AK5: variants seen among roughly 807,000 people sequenced by gnomAD.
AK5 encodes adenylate kinase isoenzyme 5.
AK5 carries 27 observed loss-of-function variants against 69.5 expected under a neutral mutation model. The ratio of observed to expected loss-of-function variants is 0.39; its 90% CI spans 0.29 to 0.54. AK5 has a LOEUF of 0.54. AK5 is among the 20% of genes least tolerant of loss of function. The probability of loss-of-function intolerance (pLI) is 0.71; values close to 1 mark genes in which losing one functional copy is unlikely to be tolerated. For synonymous variants in AK5, 260 were observed against 244.4 expected (o/e 1.06, Z -0.60); for missense variants, 531 against 700.4 (o/e 0.76, Z 2.73).
intron 5 of AK5, among the ~76,000 whole-genome samples, chr1:77,302,749 A>G (rs1012839548): frequency 6.6e-6 from 1 of 152,146 alleles, no homozygotes; most frequent in African/African-American, 2.4e-5. Context: ...AAAGCAGTCA[A>G]TTCTTTCTTG....
At chr1:77,288,717 T>C (rs538797145) in intron 2 of AK5, among the ~76,000 whole-genome samples, 2 of 152,340 alleles carry the variant, frequency 1.3e-5, no homozygotes, top group African/African-American at 4.8e-5. Context: ...CTGAAACTGC[T>C]ATTTAAAACT....
chr1:77,440,460 T>C (rs1051637563), intron 8 of AK5, among the ~76,000 whole-genome samples: 6 of 152,202 alleles, frequency 3.9e-5, no homozygotes, highest in African/African-American at 1.4e-4. Context: ...AGAGGACTTT[T>C]TGGGTTGAAT....
intron 8 of AK5, among the ~76,000 whole-genome samples, chr1:77,433,247 G>A (rs1170210078): frequency 7.2e-6 from 1 of 139,834 alleles, no homozygotes; most frequent in Admixed American, 7.6e-5. Context: ...AATAATAGGT[G>A]TATTATAGTT....
rs114059967 is a variant in AK5, at chr1:77,374,143, G to A, written c.891+33575G>A. Among the ~76,000 whole-genome samples, 77 of 152,234 alleles carry A rather than the reference G, an allele frequency of 5.1e-4. 1 individual carries two copies. The highest frequency in any genetic ancestry group is 1.7e-3 in the African/African-American group (71 of 41,534). ...TTGGTATCTCAGCTTCTTTACTGAG[G>A]CATGTACCAAAAACATAGAATTAAG... On this transcript the variant is annotated intron_variant, in intron 6 of 13. Coordinates refer to ENST00000354567, the MANE Select transcript of AK5 (RefSeq NM_174858.3).
intron 13 of AK5, among the ~76,000 whole-genome samples, chr1:77,541,982 C>A (rs527326068): frequency 6.6e-6 from 1 of 151,984 alleles, no homozygotes; most frequent in Admixed American, 6.6e-5. Context: ...GTGTGGGACA[C>A]GACACTTGGT....
At chr1:77,351,203 G>A (rs1001275367) in intron 6 of AK5, among the ~76,000 whole-genome samples, 1 of 152,196 alleles carries the variant, frequency 6.6e-6, no homozygotes, top group African/African-American at 2.4e-5. Context: ...AGACCAGCCT[G>A]GGCAACATGG....
At chr1:77,398,986 C>T (rs930490824) in intron 6 of AK5, among the ~76,000 whole-genome samples, 2 of 152,140 alleles carry the variant, frequency 1.3e-5, no homozygotes, top group Admixed American at 1.3e-4. Flanking sequence ...AGATCCCTTT[C>T]TTAAGCAACT....
chr1:77,496,282 G>A (rs11162357), intron 10 of AK5, among the ~76,000 whole-genome samples: 87,525 of 152,056 alleles, frequency 0.58, 26,264 homozygotes, highest in Non-Finnish European at 0.67. Context: ...TGGATGGGAA[G>A]TGGTAAGAGC....
At chr1:77,553,242 A>G (rs1227786585) in intron 13 of AK5, among the ~76,000 whole-genome samples, 8 of 152,214 alleles carry the variant, frequency 5.3e-5, no homozygotes, top group Non-Finnish European at 1.0e-4. Flanking sequence ...AGGAGCAGAA[A>G]TAGACCATGC....
intron 6 of AK5, among the ~76,000 whole-genome samples, chr1:77,390,915 G>T (rs116433879): frequency 0.014 from 2,150 of 152,280 alleles, 22 homozygotes; most frequent in Middle Eastern, 0.034. Context: ...ATTTGTGTCT[G>T]TGTATTTTAA....
chr1:77,460,703 A>G (rs985728190), intron 8 of AK5, among the ~76,000 whole-genome samples: 1 of 151,206 alleles, frequency 6.6e-6, no homozygotes, highest in South Asian at 2.1e-4. Context: ...CAAACACTGC[A>G]TGATTTCATT....
intron 6 of AK5, among the ~76,000 whole-genome samples, chr1:77,357,183 G>A (rs1225400833): frequency 6.6e-6 from 1 of 152,054 alleles, no homozygotes; most frequent in Non-Finnish European, 1.5e-5. Context: ...ACCTTATGCT[G>A]GTGAAATGTT....
intron 6 of AK5, among the ~76,000 whole-genome samples, chr1:77,368,245 A>ATATATATATATTATATATAT (rs376578923): frequency 1.0e-4 from 7 of 67,904 alleles, no homozygotes; most frequent in Admixed American, 2.2e-4. Flanking sequence ...ATATATATAT[A>ATATATATATATTATATATAT]TATATATAAT....
rs191995570 is a variant in AK5 at position 77,542,428 on chromosome 1, C to G, written c.1620+6390C>G. ...TGTTGGGAGTGAGCACTGTGGGCAG[C>G]TGTTTGGAAAGTCTGAGGAGGTAGC... On this transcript the variant is annotated intron_variant, in intron 13 of 13. Coordinates refer to ENST00000354567, the MANE Select transcript of AK5 (RefSeq NM_174858.3). Among the ~76,000 whole-genome samples, 442 of 152,280 alleles carry G rather than the reference C, an allele frequency of 2.9e-3. 3 individuals carry two copies. The highest frequency in any genetic ancestry group is 0.01 in the African/African-American group (431 of 41,564).
At position 77,340,496 on chromosome 1, in the gene AK5, G is replaced by A. The variant is rs755390964; in HGVS notation, c.819G>A (p.Arg273=). ...ACGACAATGTAAAAGCTACCCAAAG[G>A]AGACTAATGAACTTCAAGCAGAATG... ...RPDDNVKATQ[R]RLMNFKQNAA... The change falls in exon 6 of 14, where the codon AGG becomes AGA. Residue 273 remains arginine, a synonymous_variant. Transcript: ENST00000354567. 3 of 1,614,106 alleles carry A rather than the reference G, an allele frequency of 1.9e-6. No individual in the cohort carries two copies. Among genetic ancestry groups the A allele is most frequent in the South Asian group, 2.2e-5 (2 of 91,084 alleles).
At chr1:77,478,278 G>C (rs940556167) in intron 8 of AK5, among the ~76,000 whole-genome samples, 1 of 152,218 alleles carries the variant, frequency 6.6e-6, no homozygotes, top group Non-Finnish European at 1.5e-5. Context: ...GTTTGGCTCT[G>C]TGTCCCCACC....
At chr1:77,489,391 C>T (rs991812452) in intron 10 of AK5, among the ~76,000 whole-genome samples, 6 of 152,198 alleles carry the variant, frequency 3.9e-5, no homozygotes, top group African/African-American at 7.2e-5. Flanking sequence ...CAAGGGAAAA[C>T]GACTGCTCTT....
rs1222056901 is a variant in AK5, at chr1:77,391,507, A to G, written c.892-19474A>G. 9.1e-3 allele frequency among the ~76,000 whole-genome samples: 655 copies of G among 71,902 alleles called. 21 individuals carry two copies. The highest frequency in any genetic ancestry group is 0.029 in the African/African-American group (611 of 21,420). 47.2% of individuals were successfully genotyped at this position (71,902 alleles called of 152,430 possible). Reference sequence around the variant, plus strand: ...TATGTGTGTGTGTGTATATATATATATATATATATATATATATATATCTCC... The same window carrying G: ...TATGTGTGTGTGTGTATATATATATGTATATATATATATATATATATCTCC... On this transcript the variant is annotated intron_variant, in intron 6 of 13. Coordinates refer to ENST00000354567, the MANE Select transcript of AK5 (RefSeq NM_174858.3).
intron 13 of AK5, among the ~76,000 whole-genome samples, chr1:77,553,008 C>G (rs1253559301): frequency 6.6e-6 from 1 of 152,130 alleles, no homozygotes; most frequent in East Asian, 1.9e-4. Context: ...CTACTGCACT[C>G]CAGCCTGGGT....
Sources: gnomAD v4.1 joint callset for allele counts (sites outside exome capture counted in the v4.1 genomes callset) on GRCh38, gnomAD v4.1.1 for gene constraint, MANE v1.5 for transcripts, NCBI Gene and HGNC (gene_info 2026-07-23, HGNC 2026-07-21) for gene names.